The following PLIN1 variants were observed in gnomAD, a reference collection of about 807,000 sequenced individuals.
PLIN1 encodes the protein perilipin-1.
A neutral mutation model predicts 45.8 loss-of-function variants in PLIN1; 37 were observed. That is an observed-to-expected ratio of 0.81 (90% CI 0.62 to 1.06). The LOEUF is 1.06. PLIN1 is among the 50% of genes least tolerant of loss of function. The pLI is 0.00. For synonymous variants in PLIN1, 340 were observed against 309.2 expected (o/e 1.10, Z -1.05); for missense variants, 776 against 716.5 (o/e 1.08, Z -0.95).
intron 8 of PLIN1, among the ~76,000 whole-genome samples, chr15:89,666,409 C>T (rs1964341392): frequency 6.6e-6 from 1 of 152,172 alleles, no homozygotes. Context: ...CCTGACCAGC[C>T]CCGCCCCCCA....
In PLIN1 at chr15:89,666,867, C is replaced by A. The variant is rs1344772508; in HGVS notation, c.1209+69G>T. On this transcript the variant is annotated intron_variant, in intron 8 of 8. Transcript: ENST00000300055. ...GGAGGGGGACTGCAGCCCCTTCAGTCAAATCTACTTTATCTGCCATGTCCA... is the reference window on the plus strand; with the variant it reads ...GGAGGGGGACTGCAGCCCCTTCAGTAAAATCTACTTTATCTGCCATGTCCA... 1.9e-6 allele frequency: 3 copies of A among 1,588,672 alleles called. No individual in the cohort carries two copies. In the African/African-American group the frequency reaches 4.0e-5, roughly 21 times the overall value.
chr15:89,666,455 C>T (rs749297992), intron 8 of PLIN1, among the ~76,000 whole-genome samples: 45 of 152,326 alleles, frequency 3.0e-4, no homozygotes, highest in Admixed American at 1.3e-4. Flanking sequence ...TGGAAAGGGG[C>T]TCCCAAAGGG....
At chr15:89,676,544 G>T (rs1206897901) in intron 2 of PLIN1, 1 of 152,368 alleles carries the variant, frequency 6.6e-6, no homozygotes, top group Non-Finnish European at 1.5e-5. Flanking sequence ...ACTGCACCTG[G>T]CCAATATCTT....
intron 6 of PLIN1, among the ~76,000 whole-genome samples, chr15:89,668,694 C>T (rs532926316): frequency 7.4e-4 from 112 of 152,262 alleles, no homozygotes; most frequent in African/African-American, 2.7e-3. Context: ...CCACTGCAGG[C>T]GGGGTCCAGG....
chr15:89,666,368 C>A (rs1049186366), intron 8 of PLIN1, among the ~76,000 whole-genome samples: 3 of 152,102 alleles, frequency 2.0e-5, no homozygotes, highest in African/African-American at 4.8e-5. Context: ...GAGTAACCCA[C>A]CCCCTTACCA....
At position 89,665,445 on chromosome 15, in the gene PLIN1, C is replaced by A; in HGVS notation, c.*138G>T. 1 of 594,870 alleles carries A rather than the reference C, an allele frequency of 1.7e-6. No individual in the cohort carries two copies. 36.8% of individuals were successfully genotyped at this position (594,870 alleles called of 1,614,324 possible). On this transcript the variant is annotated 3_prime_UTR_variant, in exon 9 of 9. Coordinates refer to ENST00000300055, the MANE Select transcript of PLIN1 (RefSeq NM_002666.5). ...AATAAAATAAAAATAAAAAGTGCGC[C>A]TTGGCAGCATCATCAGGATGAGGCT...
In PLIN1 at chr15:89,665,593, T is replaced by A; in HGVS notation, c.1559A>T (p.Lys520Met). The change falls in exon 9 of 9, where the codon AAG (lysine) becomes ATG (methionine). Residue 520 changes from lysine to methionine, a missense_variant. By Grantham distance (95) the Lys-to-Met change is moderately conservative. Transcript: ENST00000300055. ...GGCTGGTGCGGCGACTCAGCTCTTC[T>A]TGCGCAGCTGGCTGTAATGCGTGCG... ...LGRTHYSQLRKKS is the reference protein window; with the variant it reads ...LGRTHYSQLRMKS 6.5e-7 allele frequency: 1 copy of A among 1,526,840 alleles called. No individual in the cohort carries two copies. Among genetic ancestry groups the A allele is most frequent in the Non-Finnish European group, 8.8e-7 (1 of 1,138,728 alleles). The allele number at this position is 1,526,840 out of a possible 1,614,324, so 94.6% of individuals were successfully genotyped here.
chr15:89,676,459 G>GA (rs1964518747), intron 2 of PLIN1, among the ~76,000 whole-genome samples: 1 of 151,736 alleles, frequency 6.6e-6, no homozygotes, highest in Non-Finnish European at 1.5e-5. Context: ...GTGTTAGCCA[G>GA]GATGGTCTTG....
rs1004121613 is a variant in PLIN1, at chr15:89,667,031, C to T, written c.1114G>A (p.Ala372Thr). 31 of 1,613,998 alleles carry T rather than the reference C, an allele frequency of 1.9e-5. No homozygotes were observed. In the African/African-American group the frequency reaches 2.7e-4, roughly 14 times the overall value. The part of the protein sequence containing the change: ...GRVLHLTPAP[A>T]VSSTKGRAMS... ...GCCCTCCCCTTGGTTGAGGAGACAGCAGGGGCTGGTGTGAGGTGCAGCACC... is the reference window on the plus strand; with the variant it reads ...GCCCTCCCCTTGGTTGAGGAGACAGTAGGGGCTGGTGTGAGGTGCAGCACC... Residue 372 changes from alanine (A) to threonine (T), a missense_variant, in exon 8 of 9, where the codon GCT (alanine) becomes ACT (threonine). Physicochemically the swap from Ala to Thr is moderately conservative, Grantham distance 58. Coordinates refer to ENST00000300055, the MANE Select transcript of PLIN1 (RefSeq NM_002666.5).
At chr15:89,673,603 A>T (rs904669868) in intron 2 of PLIN1, among the ~76,000 whole-genome samples, 189 bp from the exon 3 acceptor site, 3 of 152,076 alleles carry the variant, frequency 2.0e-5, no homozygotes, top group Admixed American at 2.0e-4. Context: ...GGAAAACAAG[A>T]GTCAGCCGGC....
In PLIN1 at chr15:89,677,507, C is replaced by G. The variant is rs1168306935; in HGVS notation, c.-14-4G>C. On this transcript the variant is annotated splice_polypyrimidine_tract_variant and splice_region_variant and intron_variant, in intron 1 of 8. Coordinates refer to ENST00000300055, the MANE Select transcript of PLIN1 (RefSeq NM_002666.5). The stretch of plus-strand genomic sequence containing the variant: ...ACTGCCATCCTCGCTCCTCAAGCTG[C>G]AAAACAGAGTCCCAGGTCCCATCAG... 1 of 1,613,652 alleles carries G rather than the reference C, an allele frequency of 6.2e-7. No individual in the cohort carries two copies. The highest frequency in any genetic ancestry group is 1.1e-5 in the South Asian group (1 of 91,066).
chr15:89,675,446 A>C (rs1038682415), intron 2 of PLIN1, among the ~76,000 whole-genome samples: 10 of 149,646 alleles, frequency 6.7e-5, no homozygotes, highest in Non-Finnish European at 1.2e-4. Flanking sequence ...AAAAAAAAAA[A>C]AGCTGGCCAT....
rs780565176 is a variant in PLIN1, at chr15:89,667,595, C to A, written c.963+7G>T. The A allele has an allele frequency of 2.5e-6, 4 of 1,614,160 alleles. 1 individual carries two copies. Among genetic ancestry groups the A allele is most frequent in the Non-Finnish European group, 3.4e-6 (4 of 1,179,992 alleles). On this transcript the variant is annotated splice_region_variant and intron_variant, in intron 7 of 8. Coordinates refer to ENST00000300055, the MANE Select transcript of PLIN1 (RefSeq NM_002666.5). Reference sequence around the variant, plus strand: ...GGGGACCTTGAGGCTCCCACTCTCCCCCTCACCTCACTGAACTTGTTCTCC... The same window carrying A: ...GGGGACCTTGAGGCTCCCACTCTCCACCTCACCTCACTGAACTTGTTCTCC...
rs750212275 is a variant in PLIN1, at chr15:89,670,076, G to A, written c.502C>T (p.Arg168Ter). The change falls in exon 5 of 9, where the codon CGA becomes TGA. Residue 168 changes from arginine to a stop codon, truncating the protein, a stop_gained. Transcript: ENST00000300055. LOFTEE classifies it high-confidence loss of function. Reference protein sequence around the residue: ...RDTAEFAANTRAGRLASGGAD... With the variant: ...RDTAEFAANT ...CCTCCAGAAGCCAGTCGGCCAGCTCGAGTGTTGGCAGCAAATTCCGCAGTG... is the reference window on the plus strand; with the variant it reads ...CCTCCAGAAGCCAGTCGGCCAGCTCAAGTGTTGGCAGCAAATTCCGCAGTG... 32 of 1,614,032 alleles carry A rather than the reference G, an allele frequency of 2.0e-5. No homozygotes were observed. The highest frequency in any genetic ancestry group is 2.5e-5 in the Non-Finnish European group (29 of 1,180,022).
chr15:89,668,375 T>A (rs1319326898), intron 6 of PLIN1, among the ~76,000 whole-genome samples: 1 of 152,234 alleles, frequency 6.6e-6, no homozygotes, highest in Non-Finnish European at 1.5e-5. Flanking sequence ...ATTGCTGATC[T>A]GAGCATTTTT....
intron 2 of PLIN1, chr15:89,676,626 CT>C (rs1475125743): frequency 1.3e-5 from 2 of 152,156 alleles, no homozygotes; most frequent in African/African-American, 4.8e-5. Flanking sequence ...AGAAAACATT[CT>C]TTTTAACATT....
chr15:89,665,695 G>A lies in PLIN1; in HGVS notation c.1457C>T (p.Ala486Val), dbSNP rs1964323738. The change falls in exon 9 of 9, where the codon GCC becomes GTC. Residue 486 changes from alanine (A) to valine (V), a missense_variant. Physicochemically the swap from Ala to Val is moderately conservative, Grantham distance 64. Transcript: ENST00000300055. ...TPAAPRPGFP[A>V]VPREKPKRRV... ...GCGCTTTGGCTTCTCGCGGGGCACGGCCGGGAAGCCCGGGCGCGGCGCTGC... is the reference window on the plus strand; with the variant it reads ...GCGCTTTGGCTTCTCGCGGGGCACGACCGGGAAGCCCGGGCGCGGCGCTGC... The A allele has an allele frequency of 2.0e-6, 3 of 1,471,836 alleles. No homozygotes were observed. Among genetic ancestry groups the A allele is most frequent in the African/African-American group, 1.5e-5 (1 of 68,376 alleles). 91.2% of individuals were successfully genotyped at this position (1,471,836 alleles called of 1,614,324 possible).
At chr15:89,665,990 T>C in intron 8 of PLIN1, 48 bp from the exon 9 acceptor site, 1 of 1,359,546 alleles carries the variant, frequency 7.4e-7, no homozygotes, top group East Asian at 3.1e-5. Context: ...CCCTGGGCCC[T>C]GCGCCTCTGA....
At chr15:89,676,438 G>A (rs573094374) in intron 2 of PLIN1, among the ~76,000 whole-genome samples, 19 of 152,144 alleles carry the variant, frequency 1.2e-4, no homozygotes, top group East Asian at 7.8e-4. Context: ...TAGTAGAGAT[G>A]GGGTTTCACT....
Sources: gnomAD v4.1 joint callset for allele counts (sites outside exome capture counted in the v4.1 genomes callset) on GRCh38, gnomAD v4.1.1 for gene constraint, MANE v1.5 for transcripts, NCBI Gene and HGNC (gene_info 2026-07-23, HGNC 2026-07-21) for gene names.